The following LRSAM1 variants were observed in gnomAD, a reference collection of about 807,000 sequenced individuals.
LRSAM1 encodes E3 ubiquitin-protein ligase LRSAM1.
LRSAM1 carries 96 observed loss-of-function variants against 118.1 expected under a neutral mutation model. The ratio of observed to expected loss-of-function variants is 0.81; its 90% CI spans 0.69 to 0.96. The LOEUF (loss-of-function observed/expected upper bound fraction) is 0.96, where lower values mean the gene tolerates loss of function less well. LRSAM1 is among the 40% of genes least tolerant of loss of function. The pLI is 0.00. For synonymous variants in LRSAM1, 322 were observed against 364.2 expected, an observed-to-expected ratio of 0.88 and a Z score of 1.32; for missense variants, 804 against 915.5, an observed-to-expected ratio of 0.88 and a Z score of 1.57.
chr9:127,480,645 T>G (rs1835503134), intron 14 of LRSAM1, among the ~76,000 whole-genome samples: 1 of 152,234 alleles, frequency 6.6e-6, no homozygotes, highest in Non-Finnish European at 1.5e-5. Flanking sequence ...TTACATCTAT[T>G]TCTTCATTAA....
rs1216900196 is a variant in LRSAM1, at chr9:127,467,748, C to A, written c.537C>A (p.Ser179Arg). 5 of 1,610,230 alleles carry A rather than the reference C, an allele frequency of 3.1e-6. No homozygotes were observed. Among genetic ancestry groups the A allele is most frequent in the Non-Finnish European group, 3.4e-6 (4 of 1,178,746 alleles). The change falls in exon 10 of 26, where the codon AGC (serine) becomes AGA (arginine). Residue 179 changes from serine to arginine, a missense_variant. By Grantham distance (110) the Ser-to-Arg change is moderately radical. Coordinates refer to ENST00000300417, the MANE Select transcript of LRSAM1 (RefSeq NM_001005373.4). ...TACCCTTGTGTCTGCAGATGCTGAG[C>A]CTTGACGCCTCGGCCATGGTCTACC... The part of the protein sequence containing the change: ...LAHVRTLEML[S>R]LDASAMVYPP...
chr9:127,466,558 G>GC (rs1192808283), intron 9 of LRSAM1, among the ~76,000 whole-genome samples: 2 of 111,990 alleles, frequency 1.8e-5, no homozygotes, highest in African/African-American at 7.0e-5. Context: ...TCGCTATGTT[G>GC]CCCAGGCTGG....
intron 9 of LRSAM1, among the ~76,000 whole-genome samples, chr9:127,466,075 G>A (rs1411819164): frequency 3.3e-5 from 5 of 152,170 alleles, no homozygotes; most frequent in South Asian, 2.1e-4. Flanking sequence ...TTGGGAAGAC[G>A]AGGTGGGTGG....
At chr9:127,480,478 T>C (rs1444382157) in intron 14 of LRSAM1, among the ~76,000 whole-genome samples, 2 of 152,162 alleles carry the variant, frequency 1.3e-5, no homozygotes, top group Non-Finnish European at 2.9e-5. Context: ...TGCAGGATGA[T>C]TCCAGAAACA....
chr9:127,459,185 T>G, intron 7 of LRSAM1, 114 bp downstream of exon 7: 4 of 957,350 alleles, frequency 4.2e-6, no homozygotes, highest in Non-Finnish European at 6.6e-6. Flanking sequence ...CTGCAATCAG[T>G]GCCAGCTCCA....
rs1444656352 is a variant in LRSAM1, at chr9:127,479,427, A to G, written c.825A>G (p.Glu275=). The stretch of plus-strand genomic sequence containing the variant: ...AACTCGAGTTTGAACGGCGCCTGGA[A>G]CTGGGGCAGCGGGAGCACACCCAGC... The part of the protein sequence containing the change: ...LEKLEFERRL[E]LGQREHTQLL... The change falls in exon 13 of 26, where the codon GAA becomes GAG. Residue 275 remains glutamate, a synonymous_variant. Coordinates refer to ENST00000300417, the MANE Select transcript of LRSAM1 (RefSeq NM_001005373.4). 2.5e-6 allele frequency: 4 copies of G among 1,614,194 alleles called. No homozygotes were observed. Among genetic ancestry groups the G allele is most frequent in the Non-Finnish European group, 3.4e-6 (4 of 1,180,024 alleles).
chr9:127,490,677 C>T (rs1187008918), intron 19 of LRSAM1, among the ~76,000 whole-genome samples: 3 of 152,110 alleles, frequency 2.0e-5, no homozygotes, highest in Non-Finnish European at 1.5e-5. Flanking sequence ...ATAATACCTC[C>T]TAGCAGCCAG....
intron 24 of LRSAM1, among the ~76,000 whole-genome samples, chr9:127,499,319 A>G (rs1168445719): frequency 6.6e-6 from 1 of 152,112 alleles, no homozygotes; most frequent in African/African-American, 2.4e-5. Flanking sequence ...GGCTGCAGTG[A>G]GCCATGATTG....
chr9:127,468,818 A>AC (rs1835054711), intron 10 of LRSAM1, among the ~76,000 whole-genome samples: 1 of 139,884 alleles, frequency 7.1e-6, no homozygotes. Context: ...TACAAAAAAA[A>AC]AAAAAAAAAA....
rs1262103017 is a variant in LRSAM1, at chr9:127,489,956, G to A, written c.1422+438G>A. Reference sequence around the variant, plus strand: ...GTATTTCCCCCAGAAGAGGGCAGGGGGAGCTGTGAGCCACGGTGGTCCTGA... The same window carrying A: ...GTATTTCCCCCAGAAGAGGGCAGGGAGAGCTGTGAGCCACGGTGGTCCTGA... On this transcript the variant is annotated intron_variant, in intron 19 of 25. Coordinates refer to ENST00000300417, the MANE Select transcript of LRSAM1 (RefSeq NM_001005373.4). Among the ~76,000 whole-genome samples the A allele has an allele frequency of 2.0e-5, 3 of 152,240 alleles. No homozygotes were observed. In the South Asian group the frequency reaches 6.2e-4, roughly 32 times the overall value.
intron 9 of LRSAM1, among the ~76,000 whole-genome samples, 163 bp from the exon 10 acceptor site, chr9:127,467,577 C>T (rs933081317): frequency 6.6e-6 from 1 of 152,244 alleles, no homozygotes; most frequent in Non-Finnish European, 1.5e-5. Flanking sequence ...ATCCCAGGCA[C>T]TGGGAACGCA....
chr9:127,499,789 G>A (rs999880841), intron 24 of LRSAM1, among the ~76,000 whole-genome samples: 8 of 151,958 alleles, frequency 5.3e-5, no homozygotes, highest in South Asian at 2.1e-4. Context: ...GCACAGTGGC[G>A]TGTGCCTATA....
In LRSAM1 at chr9:127,458,994, C is replaced by G. The variant is rs199925705; in HGVS notation, c.253-9C>G. ...CACTTGGAGACTCACAGGGGTCTTT[C>G]TTCTGCAGGTTCTAGATCTCCACGA... On this transcript the variant is annotated splice_polypyrimidine_tract_variant and intron_variant, in intron 6 of 25. Coordinates refer to ENST00000300417, the MANE Select transcript of LRSAM1 (RefSeq NM_001005373.4). The G allele has an allele frequency of 6.2e-6, 10 of 1,613,402 alleles. No individual in the cohort carries two copies. The highest frequency in any genetic ancestry group is 1.3e-5 in the African/African-American group (1 of 74,880).
rs1214955737 is a variant in LRSAM1 at position 127,494,531 on chromosome 9, G to C, written c.1600-789G>C. ...ACAGCATGGTCTGGCACATGGCACT[G>C]TGAACATGTCAGCTACGCCTGTTGT... On this transcript the variant is annotated intron_variant, in intron 21 of 25. Transcript: ENST00000300417. Among the ~76,000 whole-genome samples, 6 of 152,380 alleles carry C rather than the reference G, an allele frequency of 3.9e-5. No homozygotes were observed. In the East Asian group the frequency reaches 1.2e-3, roughly 29 times the overall value.
intron 10 of LRSAM1, chr9:127,470,961 C>T (rs1162306453): frequency 6.6e-6 from 1 of 152,000 alleles, no homozygotes; most frequent in Non-Finnish European, 1.5e-5. Flanking sequence ...TTCTCCTCTT[C>T]TCACCGCTGC....
intron 21 of LRSAM1, among the ~76,000 whole-genome samples, chr9:127,493,505 T>C (rs1015635494): frequency 6.6e-5 from 10 of 152,236 alleles, no homozygotes; most frequent in African/African-American, 2.2e-4. Context: ...ATTAAACTAT[T>C]CCTTGACGTC....
intron 9 of LRSAM1, among the ~76,000 whole-genome samples, chr9:127,466,250 A>G (rs1392215839): frequency 1.3e-5 from 2 of 151,888 alleles, no homozygotes; most frequent in South Asian, 2.1e-4. Flanking sequence ...CAAAGGTTGC[A>G]ATGAGCTGAG....
intron 10 of LRSAM1, among the ~76,000 whole-genome samples, chr9:127,468,586 T>C (rs1835045120): frequency 6.6e-6 from 1 of 152,158 alleles, no homozygotes; most frequent in Admixed American, 6.6e-5. Flanking sequence ...CAATAGCTGA[T>C]TCTGGATCAA....
At position 127,451,620 on chromosome 9, in the gene LRSAM1, AG is replaced by A. The variant is rs1834324461; in HGVS notation, c.-235del. ...TAGTTCGCTCCGGAGAAGTCTGAGA[AG>A]GGTGGCTCCGGTGATCCCAGCCCTA... On this transcript the variant is annotated 5_prime_UTR_variant, in exon 1 of 26. Coordinates refer to ENST00000300417, the MANE Select transcript of LRSAM1 (RefSeq NM_001005373.4). 1 of 494,864 alleles carries A rather than the reference AG, an allele frequency of 2.0e-6. No individual in the cohort carries two copies. The highest frequency in any genetic ancestry group is 3.7e-6 in the Non-Finnish European group (1 of 271,498). 30.7% of individuals were successfully genotyped at this position (494,864 alleles called of 1,614,324 possible).
Sources: allele counts gnomAD v4.1 joint callset (sites outside exome capture counted in the v4.1 genomes callset), GRCh38; gene constraint gnomAD v4.1.1; transcripts MANE v1.5; gene names NCBI Gene and HGNC (gene_info 2026-07-23, HGNC 2026-07-21).